Variants in CSNK2A1 observed in about 807,000 individuals in gnomAD.
CSNK2A1 encodes the protein casein kinase 2 alpha 1, also known as casein kinase II subunit alpha.
A neutral mutation model predicts 62.9 loss-of-function variants in CSNK2A1; 10 were observed. That is an observed-to-expected ratio of 0.16 (90% CI 0.10 to 0.27). The LOEUF (loss-of-function observed/expected upper bound fraction) is 0.27, where lower values mean the gene tolerates loss of function less well. Among genes scored for constraint, CSNK2A1 ranks in the 10% least tolerant of loss-of-function variants. The pLI is 1.00. For synonymous variants in CSNK2A1, 124 were observed against 167.8 expected (o/e 0.74, Z 2.02); for missense variants, 160 against 492.0 (o/e 0.33, Z 6.38).
In CSNK2A1 at chr20:543,738, T is replaced by A. The variant is rs1252354768; in HGVS notation, c.-293A>T. 4 of 398,260 alleles carry A rather than the reference T, an allele frequency of 1.0e-5. No individual in the cohort carries two copies. Among genetic ancestry groups the A allele is most frequent in the Non-Finnish European group, 1.8e-5 (4 of 225,970 alleles). The allele number at this position is 398,260 out of a possible 1,614,324, so 24.7% of individuals were successfully genotyped here. A position where few individuals can be genotyped will look rare whatever the true frequency, so the allele number is the denominator to read the frequency against. On this transcript the variant is annotated 5_prime_UTR_variant, in exon 1 of 14. Coordinates refer to ENST00000217244, the MANE Select transcript of CSNK2A1 (RefSeq NM_177559.3). ...GCTCACACAGACAATATGGCGGCGATGGAGGAGGAGACACACGGCTCGGCC... is the reference window on the plus strand; with the variant it reads ...GCTCACACAGACAATATGGCGGCGAAGGAGGAGGAGACACACGGCTCGGCC...
chr20:511,728 A>C (rs190900373), intron 2 of CSNK2A1, among the ~76,000 whole-genome samples: 1 of 144,468 alleles, frequency 6.9e-6, no homozygotes, highest in East Asian at 2.1e-4. Context: ...ACACACACAC[A>C]CACCACATTT....
intron 13 of CSNK2A1, among the ~76,000 whole-genome samples, chr20:485,378 T>C (rs2018076025): frequency 6.6e-6 from 1 of 151,912 alleles, no homozygotes; most frequent in South Asian, 2.1e-4. Context: ...AGACAGGGTT[T>C]CGCCATGCTG....
Position 473,030 on chromosome 20 carries a change from G to A in CSNK2A1, c.*10931C>T, listed in dbSNP as rs2017782798. 1 of 152,330 alleles carries A rather than the reference G, an allele frequency of 6.6e-6. No homozygotes were observed. Among genetic ancestry groups the A allele is most frequent in the African/African-American group, 2.4e-5 (1 of 41,452 alleles). The allele number at this position is 152,330 out of a possible 1,614,324, so 9.4% of individuals were successfully genotyped here. On this transcript the variant is annotated 3_prime_UTR_variant, in exon 14 of 14. Transcript: ENST00000217244. ...CTCTAAAAAGTAAATAAAAAAAAGA[G>A]TTGGGCTAGGTTTGAGGTTTATTGT...
intron 2 of CSNK2A1, chr20:526,987 G>GAGAGACAGAC (rs2019105791): frequency 1.8e-5 from 2 of 109,310 alleles, no homozygotes; most frequent in African/African-American, 4.3e-5. Flanking sequence ...GAGAGAGAAA[G>GAGAGACAGAC]AGAGAGAGAC....
chr20:502,422 A>G (rs1440872971), intron 4 of CSNK2A1: 4 of 152,236 alleles, frequency 2.6e-5, no homozygotes, highest in African/African-American at 9.6e-5. Context: ...CTGGTTGACA[A>G]AACTACTCTA....
intron 2 of CSNK2A1, among the ~76,000 whole-genome samples, chr20:527,470 T>C (rs1321614367): frequency 6.6e-6 from 1 of 152,228 alleles, no homozygotes; most frequent in Non-Finnish European, 1.5e-5. Context: ...ACATTGATTA[T>C]GCCTTCCAAT....
rs11401840 is a variant in CSNK2A1, at chr20:523,858, C to CAAAAA, written c.-110+4070_-110+4074dup. Reference sequence around the variant, plus strand: ...TGGGCGACAGAGCAAGACTCCATCTCAAAAAAAAAAAAAAAAAAAAAAACT... The same window carrying CAAAAA: ...TGGGCGACAGAGCAAGACTCCATCTCAAAAAAAAAAAAAAAAAAAAAAAAAAAACT... On this transcript the variant is annotated intron_variant, in intron 2 of 13. Coordinates refer to ENST00000217244, the MANE Select transcript of CSNK2A1 (RefSeq NM_177559.3). Among the ~76,000 whole-genome samples, 233 of 45,508 alleles carry CAAAAA rather than the reference C, an allele frequency of 5.1e-3. 15 individuals are homozygous for CAAAAA. The highest frequency in any genetic ancestry group is 0.015 in the African/African-American group (168 of 10,892). The allele number at this position is 45,508 out of a possible 152,430, so 29.9% of individuals were successfully genotyped here.
chr20:491,848 T>C (rs1358099957), intron 9 of CSNK2A1, among the ~76,000 whole-genome samples: 3 of 151,964 alleles, frequency 2.0e-5, no homozygotes, highest in Non-Finnish European at 4.4e-5. Context: ...GGTGTGAACC[T>C]GGGAGGCGGA....
intron 1 of CSNK2A1, chr20:541,089 T>G (rs1288226886): frequency 6.6e-6 from 1 of 152,236 alleles, no homozygotes; most frequent in African/African-American, 2.4e-5. Context: ...AAACTTTCCA[T>G]GTGGTCCTCT....
At chr20:508,280 T>C in intron 3 of CSNK2A1, 171 bp downstream of exon 3, 1 of 593,332 alleles carries the variant, frequency 1.7e-6, no homozygotes, top group Non-Finnish European at 2.9e-6. Flanking sequence ...AAAGCAACTC[T>C]GCTTCCTCAC....
rs546753391 is a variant in CSNK2A1 at position 523,780 on chromosome 20, A to G, written c.-110+4153T>C. ...GTGGTGGGCGCCTGTAGTCCCAACT[A>G]CTCGGGAGGCTGAGCTTGCAGTGAG... On this transcript the variant is annotated intron_variant, in intron 2 of 13. Transcript: ENST00000217244. 4.1e-5 allele frequency among the ~76,000 whole-genome samples: 6 copies of G among 146,588 alleles called. No homozygotes were observed. In the East Asian group the frequency reaches 1.0e-3, roughly 25 times the overall value.
chr20:477,123 A>G lies in CSNK2A1; in HGVS notation c.*6838T>C, dbSNP rs2017862932. ...AGGCTGGTCTCCAACTCGTGGCCTC[A>G]AGCAATCCTCCTGCCTCAGCCTCCC... On this transcript the variant is annotated 3_prime_UTR_variant, in exon 14 of 14. Coordinates refer to ENST00000217244, the MANE Select transcript of CSNK2A1 (RefSeq NM_177559.3). 1 of 152,024 alleles carries G rather than the reference A, an allele frequency of 6.6e-6. No individual in the cohort carries two copies. The highest frequency in any genetic ancestry group is 1.5e-5 in the Non-Finnish European group (1 of 68,088). 9.4% of individuals were successfully genotyped at this position (152,024 alleles called of 1,614,324 possible). A position where few individuals can be genotyped will look rare whatever the true frequency, so the allele number is the denominator to read the frequency against.
chr20:492,185 T>TC (rs1469774725), intron 9 of CSNK2A1, 69 bp downstream of exon 9: 2 of 1,375,808 alleles, frequency 1.5e-6, no homozygotes, highest in African/African-American at 2.9e-5. Flanking sequence ...AATGATACTT[T>TC]TTTTTTTTTG....
intron 1 of CSNK2A1, among the ~76,000 whole-genome samples, chr20:538,106 G>A (rs983601900): frequency 4.6e-5 from 7 of 151,856 alleles, no homozygotes; most frequent in African/African-American, 1.2e-4. Flanking sequence ...CCACAGGCAC[G>A]CACCTCCACA....
At chr20:522,123 G>A (rs2018962789) in intron 2 of CSNK2A1, among the ~76,000 whole-genome samples, 1 of 152,210 alleles carries the variant, frequency 6.6e-6, no homozygotes, top group South Asian at 2.1e-4. Flanking sequence ...GAACCCTATT[G>A]TGAACTGCAC....
At position 480,397 on chromosome 20, in the gene CSNK2A1, C is replaced by T. The variant is rs1476059863; in HGVS notation, c.*3564G>A. The T allele has an allele frequency of 3.3e-5, 5 of 151,082 alleles. No individual in the cohort carries two copies. The highest frequency in any genetic ancestry group is 4.2e-4 in the South Asian group (2 of 4,806). The allele number at this position is 151,082 out of a possible 1,614,324, so 9.4% of individuals were successfully genotyped here. A position where few individuals can be genotyped will look rare whatever the true frequency, so the allele number is the denominator to read the frequency against. Reference sequence around the variant, plus strand: ...TCGTGCCATTCCATTCAATACTCTTCGATCCTGAGGGAAAACGAACCCACT... The same window carrying T: ...TCGTGCCATTCCATTCAATACTCTTTGATCCTGAGGGAAAACGAACCCACT... On this transcript the variant is annotated 3_prime_UTR_variant, in exon 14 of 14. Coordinates refer to ENST00000217244, the MANE Select transcript of CSNK2A1 (RefSeq NM_177559.3).
chr20:514,345 AAAACAAACAAAC>A (rs376182205), intron 2 of CSNK2A1, among the ~76,000 whole-genome samples: 1 of 151,852 alleles, frequency 6.6e-6, no homozygotes, highest in Non-Finnish European at 1.5e-5. Flanking sequence ...CCCTGTCTCA[AAAACAAACAAAC>A]AAACAAACAA....
chr20:522,709 T>G (rs746249127), intron 2 of CSNK2A1, among the ~76,000 whole-genome samples: 9 of 152,250 alleles, frequency 5.9e-5, no homozygotes, highest in Middle Eastern at 3.4e-3. Context: ...TATTTATTTA[T>G]TTTTAGAGAT....
Position 499,659 on chromosome 20 carries a change from G to T in CSNK2A1, c.315+174C>A. On this transcript the variant is annotated intron_variant, in intron 5 of 13. Coordinates refer to ENST00000217244, the MANE Select transcript of CSNK2A1 (RefSeq NM_177559.3). This position sits in a 1 kb window ranked among gnomAD's most constrained non-coding sequence, Gnocchi z 4.2. ...GAAGAATAAGAAATAGTCTGTGGGT[G>T]GAGGTCTCTTTGAAAGAAAGACCCA... 1 of 636,518 alleles carries T rather than the reference G, an allele frequency of 1.6e-6. No homozygotes were observed. Among genetic ancestry groups the T allele is most frequent in the Non-Finnish European group, 2.8e-6 (1 of 357,900 alleles). 39.4% of individuals were successfully genotyped at this position (636,518 alleles called of 1,614,324 possible). A position where few individuals can be genotyped will look rare whatever the true frequency, so the allele number is the denominator to read the frequency against.
Sources: allele counts gnomAD v4.1 joint callset (sites outside exome capture counted in the v4.1 genomes callset), GRCh38; gene constraint gnomAD v4.1.1; non-coding constraint Gnocchi (gnomAD v3.1); transcripts MANE v1.5; gene names NCBI Gene and HGNC (gene_info 2026-07-23, HGNC 2026-07-21).